The following TSHZ2 variants were observed in gnomAD, a reference collection of about 807,000 sequenced individuals.
The protein encoded by TSHZ2 is teashirt zinc finger homeobox 2, also known as teashirt homolog 2.
TSHZ2 carries 21 observed loss-of-function variants against 74.4 expected under a neutral mutation model. The observed-to-expected ratio is 0.28, with a 90% confidence interval of 0.20 to 0.41. TSHZ2 has a LOEUF of 0.41. Ranked by LOEUF, TSHZ2 falls within the 10% of genes least tolerant of loss-of-function variation. The pLI is 1.00. For missense variants in TSHZ2, 1,244 were observed against 1,293.5 expected, an observed-to-expected ratio of 0.96 and a Z score of 0.59; for synonymous variants, 540 against 515.3, an observed-to-expected ratio of 1.05 and a Z score of -0.65.
At chr20:53,381,332 G>T (rs1471311035) in intron 2 of TSHZ2, among the ~76,000 whole-genome samples, 1 of 152,120 alleles carries the variant, frequency 6.6e-6, no homozygotes, top group East Asian at 1.9e-4. Context: ...GAACCCATTT[G>T]CTTGCCAGTA....
rs563260439 is a variant in TSHZ2, at chr20:53,365,070, G to T, written c.*8+108499G>T. The stretch of plus-strand genomic sequence containing the variant: ...GCAGAAACCATTCTTGAGACAGGGG[G>T]ATCATTGGTCTGCCCATTACTAAAG... On this transcript the variant is annotated intron_variant, in intron 2 of 2. Transcript: ENST00000371497. 3.9e-5 allele frequency among the ~76,000 whole-genome samples: 6 copies of T among 152,364 alleles called. No individual in the cohort carries two copies. The East Asian group carries it at 1.2e-3, about 29-fold the overall frequency.
chr20:53,145,025 G>A (rs1187425178), intron 1 of TSHZ2, among the ~76,000 whole-genome samples: 1 of 152,140 alleles, frequency 6.6e-6, no homozygotes. Context: ...ATAAAATGAA[G>A]CAGGGAGAAA....
chr20:53,116,983 A>T (rs1266188272), intron 1 of TSHZ2, among the ~76,000 whole-genome samples: 1 of 152,178 alleles, frequency 6.6e-6, no homozygotes, highest in East Asian at 1.9e-4. Flanking sequence ...TGATTTCTTC[A>T]TGGGGGAGAG....
rs963514899 is a variant in TSHZ2, at chr20:53,252,282, C to T, written c.41-1217C>T. ...GACCACTCCTTTTCCAAGCTTTGTC[C>T]TTAGTGACTGGAAATAACAGAGCCT... On this transcript the variant is annotated intron_variant, in intron 1 of 2. Transcript: ENST00000371497. Among the ~76,000 whole-genome samples the T allele has an allele frequency of 8.5e-5, 13 of 152,330 alleles. No homozygotes were observed. The East Asian group carries it at 2.3e-3, about 27-fold the overall frequency.
intron 2 of TSHZ2, among the ~76,000 whole-genome samples, chr20:53,438,597 G>C (rs759061990): frequency 7.9e-5 from 12 of 152,216 alleles, no homozygotes; most frequent in Non-Finnish European, 1.6e-4. Flanking sequence ...CAGCCCTGTA[G>C]CTTGGAAGTG....
chr20:53,256,375 C>T lies in TSHZ2; in HGVS notation c.2917C>T (p.Arg973Trp), dbSNP rs975932602. 30 of 1,613,008 alleles carry T rather than the reference C, an allele frequency of 1.9e-5. No individual in the cohort carries two copies. Among genetic ancestry groups the T allele is most frequent in the Admixed American group, 3.3e-5 (2 of 59,976 alleles). Residue 973 changes from arginine (R) to tryptophan (W), a missense_variant, in exon 2 of 3, where the codon CGG becomes TGG. Transcript: ENST00000371497. The surrounding 1 kb of genome is among the most constrained non-coding windows in gnomAD (Gnocchi z 4.3). The part of the protein sequence containing the change: ...QQSKVEQEIS[R>W]VSSAQRSPET... Reference sequence around the variant, plus strand: ...AAGCAAGGTGGAGCAAGAGATCTCCCGGGTATCGTCGGCTCAGAGGTCTCC... The same window carrying T: ...AAGCAAGGTGGAGCAAGAGATCTCCTGGGTATCGTCGGCTCAGAGGTCTCC...
At chr20:53,046,173 TATGAGACAAGC>T (rs1984222786) in intron 1 of TSHZ2, among the ~76,000 whole-genome samples, 1 of 152,148 alleles carries the variant, frequency 6.6e-6, no homozygotes, top group Non-Finnish European at 1.5e-5. Flanking sequence ...GAAGCCAAAC[TATGAGACAAGC>T]ATGGGAACAG....
intron 2 of TSHZ2, among the ~76,000 whole-genome samples, chr20:53,287,443 G>A (rs1163590519): frequency 2.0e-5 from 3 of 152,140 alleles, no homozygotes; most frequent in African/African-American, 7.2e-5. Flanking sequence ...AGATGTTGGA[G>A]GTTAAAAGGT....
chr20:53,401,555 C>CACCCCTTCCAACCCCT (rs1982660537), intron 2 of TSHZ2, among the ~76,000 whole-genome samples: 2 of 2,082 alleles, frequency 9.6e-4, no homozygotes, highest in African/African-American at 0.015. Flanking sequence ...TCCAACCCCT[C>CACCCCTTCCAACCCCT]CCCCCCGAGT....
intron 1 of TSHZ2, among the ~76,000 whole-genome samples, chr20:53,000,534 C>A (rs1982370736): frequency 6.6e-6 from 1 of 151,470 alleles, no homozygotes; most frequent in African/African-American, 2.4e-5. Context: ...CTGCTCAATC[C>A]AATGTAAAGA....
At position 53,401,559 on chromosome 20, in the gene TSHZ2, C is replaced by A. The variant is rs930827717; in HGVS notation, c.*9-85585C>A. ...CCCTCACTCCTTCCAACCCCTCCCC[C>A]CCGAGTCCCCAAAGTCCATTATGTT... On this transcript the variant is annotated intron_variant, in intron 2 of 2. Coordinates refer to ENST00000371497, the MANE Select transcript of TSHZ2 (RefSeq NM_173485.6). Among the ~76,000 whole-genome samples, 6 of 151,816 alleles carry A rather than the reference C, an allele frequency of 4.0e-5. No homozygotes were observed. In the East Asian group the frequency reaches 1.2e-3, roughly 30 times the overall value.
intron 2 of TSHZ2, among the ~76,000 whole-genome samples, chr20:53,468,266 A>G (rs2145829068): frequency 6.6e-6 from 1 of 152,310 alleles, no homozygotes; most frequent in East Asian, 1.9e-4. Flanking sequence ...TAATCCCATC[A>G]TTAGTTGTCA....
At chr20:53,422,746 G>A (rs1983523479) in intron 2 of TSHZ2, among the ~76,000 whole-genome samples, 1 of 152,060 alleles carries the variant, frequency 6.6e-6, no homozygotes, top group Admixed American at 6.6e-5. Context: ...CTGGGAGGAG[G>A]GGAGAGAACA....
intron 1 of TSHZ2, among the ~76,000 whole-genome samples, chr20:53,195,271 A>C (rs1406431426): frequency 6.6e-6 from 1 of 151,732 alleles, no homozygotes; most frequent in African/African-American, 2.4e-5. Context: ...AAATAAATAA[A>C]TATATATATA....
chr20:53,322,120 T>C (rs188654658), intron 2 of TSHZ2, among the ~76,000 whole-genome samples: 2 of 152,344 alleles, frequency 1.3e-5, no homozygotes, highest in East Asian at 3.9e-4. Flanking sequence ...GACTCTATTT[T>C]CCTATCTGTA....
At chr20:52,980,614 A>T (rs942787258) in intron 1 of TSHZ2, among the ~76,000 whole-genome samples, 26 of 152,346 alleles carry the variant, frequency 1.7e-4, no homozygotes, top group African/African-American at 6.0e-4. Flanking sequence ...GGTGGGTAGA[A>T]TACAGTTATT....
chr20:53,231,101 AC>A (rs1463540326), intron 1 of TSHZ2, among the ~76,000 whole-genome samples: 1 of 152,184 alleles, frequency 6.6e-6, no homozygotes, highest in African/African-American at 2.4e-5. Context: ...CTTTGTCTCC[AC>A]TGTCAGTGTA....
At chr20:53,423,603 T>C (rs1040061068) in intron 2 of TSHZ2, among the ~76,000 whole-genome samples, 5 of 152,168 alleles carry the variant, frequency 3.3e-5, no homozygotes, top group Non-Finnish European at 7.4e-5. Context: ...CCCAGAGTTT[T>C]CTCTAGACTT....
At chr20:53,442,474 G>A (rs1984374096) in intron 2 of TSHZ2, among the ~76,000 whole-genome samples, 1 of 152,158 alleles carries the variant, frequency 6.6e-6, no homozygotes, top group Non-Finnish European at 1.5e-5. Context: ...CAGAGGGAAG[G>A]TGCTGATAAG....
Sources: gnomAD v4.1 joint callset for allele counts (sites outside exome capture counted in the v4.1 genomes callset) on GRCh38, gnomAD v4.1.1 for gene constraint, Gnocchi (gnomAD v3.1) non-coding constraint, MANE v1.5 for transcripts, NCBI Gene and HGNC (gene_info 2026-07-23, HGNC 2026-07-21) for gene names.